The following CSMD1 variants were observed in gnomAD, a reference collection of about 807,000 sequenced individuals.
CSMD1 encodes CUB and sushi domain-containing protein 1.
Under a neutral mutation model 417.5 loss-of-function variants are expected in CSMD1, and 213 were observed. The observed-to-expected ratio is 0.51, with a 90% CI of 0.46 to 0.57. The LOEUF is 0.57. Ranked by LOEUF, CSMD1 falls within the 20% of genes least tolerant of loss-of-function variation. The pLI, the probability that CSMD1 is intolerant of heterozygous loss-of-function variation, is 0.00. For missense variants in CSMD1, 6,923 were observed against 4,529.7 expected (o/e 1.53, Z -15.17); for synonymous variants, 2,862 against 1,736.8 (o/e 1.65, Z -16.11).
intron 2 of CSMD1, among the ~76,000 whole-genome samples, chr8:4,426,187 G>C (rs1186301230): frequency 3.3e-5 from 5 of 151,732 alleles, no homozygotes; most frequent in South Asian, 2.1e-4. Context: ...AAATAGACTG[G>C]AATCTGTGAA....
chr8:3,464,734 T>G (rs1056101149), intron 12 of CSMD1, among the ~76,000 whole-genome samples: 7 of 152,032 alleles, frequency 4.6e-5, no homozygotes, highest in African/African-American at 1.7e-4. Context: ...TGGTCAGTGT[T>G]GCTTTATATG....
intron 3 of CSMD1, among the ~76,000 whole-genome samples, chr8:4,182,071 T>G (rs1798412414): frequency 6.6e-6 from 1 of 151,610 alleles, no homozygotes; most frequent in Non-Finnish European, 1.5e-5. Flanking sequence ...TATACCTAAA[T>G]TAGGTATTTA....
chr8:3,446,370 T>C (rs916791923), intron 12 of CSMD1, among the ~76,000 whole-genome samples: 6 of 152,230 alleles, frequency 3.9e-5, no homozygotes, highest in Admixed American at 1.3e-4. Flanking sequence ...AATACACAAA[T>C]GTAAATATGG....
chr8:3,505,315 G>C (rs1470959593), intron 10 of CSMD1, among the ~76,000 whole-genome samples: 1 of 152,304 alleles, frequency 6.6e-6, no homozygotes, highest in East Asian at 1.9e-4. Context: ...AGTGACCGCT[G>C]AAACTTTGAA....
At position 3,803,323 on chromosome 8, in the gene CSMD1, T is replaced by G. The variant is rs74726152; in HGVS notation, c.819-49281A>C. ...GCAGCTGGGTAGGGAGATACTGCTA[T>G]ACACAAATACTTCAATAGACAAGAC... is the stretch of plus-strand genomic sequence containing the variant. On this transcript the variant is annotated intron_variant, in intron 5 of 69. Coordinates refer to ENST00000635120, the MANE Select transcript of CSMD1 (RefSeq NM_033225.6). Among the ~76,000 whole-genome samples, 245 of 152,256 alleles carry G rather than the reference T, an allele frequency of 1.6e-3. 2 individuals are homozygous for G. Among genetic ancestry groups the G allele is most frequent in the South Asian group, 0.012 (56 of 4,826 alleles).
At chr8:4,490,233 G>C (rs1801633653) in intron 2 of CSMD1, among the ~76,000 whole-genome samples, 1 of 151,852 alleles carries the variant, frequency 6.6e-6, no homozygotes, top group South Asian at 2.1e-4. Flanking sequence ...GTAGAGACAG[G>C]GTTTCACCAT....
At chr8:4,903,444 C>G (rs1805031734) in intron 1 of CSMD1, among the ~76,000 whole-genome samples, 1 of 152,152 alleles carries the variant, frequency 6.6e-6, no homozygotes, top group East Asian at 1.9e-4. Flanking sequence ...GAGAATGATA[C>G]CGTGCTAAGG....
intron 1 of CSMD1, among the ~76,000 whole-genome samples, chr8:4,855,199 C>G (rs10481374): frequency 0.85 from 127,107 of 148,926 alleles, 55,474 homozygotes; most frequent in East Asian, 1. Flanking sequence ...CTGCAGCTGA[C>G]GGTCCTCTTT....
intron 2 of CSMD1, among the ~76,000 whole-genome samples, chr8:4,609,357 C>T (rs894840111): frequency 1.3e-5 from 2 of 152,118 alleles, no homozygotes; most frequent in African/African-American, 4.8e-5. Context: ...GCCGAGACTG[C>T]GTGACTGCAC....
intron 3 of CSMD1, among the ~76,000 whole-genome samples, chr8:4,413,014 G>T (rs1033695828): frequency 6.6e-6 from 1 of 152,134 alleles, no homozygotes; most frequent in Non-Finnish European, 1.5e-5. Flanking sequence ...TTGACAACTT[G>T]AAGTCTATAC....
chr8:4,042,612 T>C (rs1797947228), intron 3 of CSMD1, among the ~76,000 whole-genome samples: 1 of 151,532 alleles, frequency 6.6e-6, no homozygotes, highest in Admixed American at 6.6e-5. Flanking sequence ...ATGATACCCG[T>C]ATGGGGAATT....
chr8:4,409,331 A>T (rs897947139), intron 3 of CSMD1, among the ~76,000 whole-genome samples: 1 of 152,148 alleles, frequency 6.6e-6, no homozygotes, highest in Non-Finnish European at 1.5e-5. Context: ...ATCCAAATCT[A>T]TGTCATTCTC....
At chr8:4,657,801 AC>A (rs1196094051) in intron 1 of CSMD1, among the ~76,000 whole-genome samples, 1 of 151,930 alleles carries the variant, frequency 6.6e-6, no homozygotes, top group Non-Finnish European at 1.5e-5. Context: ...TTTAAAATAC[AC>A]CCAAATAGCT....
chr8:3,148,765 T>G (rs1249987645), intron 40 of CSMD1, among the ~76,000 whole-genome samples: 1 of 152,216 alleles, frequency 6.6e-6, no homozygotes, highest in Non-Finnish European at 1.5e-5. Context: ...ATTCCAAATG[T>G]TGACCACGTT....
intron 1 of CSMD1, among the ~76,000 whole-genome samples, chr8:4,823,454 A>C (rs530538616): frequency 1.3e-5 from 2 of 152,148 alleles, no homozygotes; most frequent in Non-Finnish European, 2.9e-5. Flanking sequence ...CACTGGTAAA[A>C]TGGGGTACTT....
chr8:4,165,260 C>A (rs1431185372), intron 3 of CSMD1, among the ~76,000 whole-genome samples: 1 of 152,232 alleles, frequency 6.6e-6, no homozygotes, highest in Non-Finnish European at 1.5e-5. Flanking sequence ...AGGTCTGTTG[C>A]AGCGAAAGTT....
At chr8:4,676,971 T>A (rs1805727364) in intron 1 of CSMD1, among the ~76,000 whole-genome samples, 1 of 146,404 alleles carries the variant, frequency 6.8e-6, no homozygotes, top group African/African-American at 2.5e-5. Context: ...TCATATATAA[T>A]ATATATTATA....
At position 3,920,061 on chromosome 8, in the gene CSMD1, C is replaced by G. The variant is rs375307348; in HGVS notation, c.818+77842G>C. ...TTGTTTTTCTTCCCCAAGACAAGAT[C>G]TCACTCCTTCTGCCCTGGCTAGACT... is the stretch of plus-strand genomic sequence containing the variant. On this transcript the variant is annotated intron_variant, in intron 5 of 69. Coordinates refer to ENST00000635120, the MANE Select transcript of CSMD1 (RefSeq NM_033225.6). Among the ~76,000 whole-genome samples the G allele has an allele frequency of 1.3e-4, 19 of 151,776 alleles. No homozygotes were observed. In the East Asian group the frequency reaches 3.5e-3, roughly 28 times the overall value.
intron 3 of CSMD1, among the ~76,000 whole-genome samples, chr8:4,369,697 C>G (rs746649878): frequency 3.3e-5 from 5 of 152,040 alleles, no homozygotes; most frequent in Non-Finnish European, 7.4e-5. Flanking sequence ...ACGTAATGCC[C>G]TTGTCTTTTT....
Sources: gnomAD v4.1 joint callset for allele counts (sites outside exome capture counted in the v4.1 genomes callset) on GRCh38, gnomAD v4.1.1 for gene constraint, MANE v1.5 for transcripts, NCBI Gene and HGNC (gene_info 2026-07-23, HGNC 2026-07-21) for gene names.